The following RALYL variants were observed in gnomAD, a reference collection of about 807,000 sequenced individuals.
RALYL encodes RNA-binding Raly-like protein.
RALYL carries 29 observed loss-of-function variants against 35.1 expected under a neutral mutation model. That is an observed-to-expected ratio of 0.83 (90% CI 0.61 to 1.13). The LOEUF is 1.13. Ranked by LOEUF, RALYL falls within the 50% of genes most tolerant of loss-of-function variation. The pLI, the probability that RALYL is intolerant of heterozygous loss-of-function variation, is 0.00. For synonymous variants in RALYL, 120 were observed against 127.6 expected, an observed-to-expected ratio of 0.94 and a Z score of 0.40; for missense variants, 359 against 360.4, an observed-to-expected ratio of 1.00 and a Z score of 0.03.
chr8:84,639,319 G>A (rs976072801), intron 2 of RALYL, among the ~76,000 whole-genome samples: 14 of 151,874 alleles, frequency 9.2e-5, no homozygotes, highest in African/African-American at 2.9e-4. Context: ...TTCTTTAAGT[G>A]TAGGAGCCTG....
In RALYL at chr8:84,921,796, A is replaced by T. The variant is rs1849337488; in HGVS notation, c.*885A>T. 6.6e-6 allele frequency: 1 copy of T among 152,218 alleles called. No individual in the cohort carries two copies. The highest frequency in any genetic ancestry group is 2.4e-5 in the African/African-American group (1 of 41,472). 9.4% of individuals were successfully genotyped at this position (152,218 alleles called of 1,614,324 possible). On this transcript the variant is annotated 3_prime_UTR_variant, in exon 9 of 9. Transcript: ENST00000521268. ...AGAAACCATCTTCACAGACCGTAGG[A>T]GAATTCAACATATAATTTCTTAATA...
At chr8:84,727,970 G>A (rs555550343) in intron 2 of RALYL, among the ~76,000 whole-genome samples, 226 of 151,890 alleles carry the variant, frequency 1.5e-3, no homozygotes, top group African/African-American at 5.0e-3. Context: ...ATGATTTATC[G>A]TCCTTTGGGT....
intron 1 of RALYL, among the ~76,000 whole-genome samples, chr8:84,382,192 A>G (rs981262405): frequency 6.6e-6 from 1 of 151,160 alleles, no homozygotes; most frequent in African/African-American, 2.4e-5. Context: ...TGGAAGTTAA[A>G]TATGTGTTAT....
intron 2 of RALYL, among the ~76,000 whole-genome samples, chr8:84,533,193 C>T (rs2135044343): frequency 6.6e-6 from 1 of 152,000 alleles, no homozygotes; most frequent in East Asian, 1.9e-4. Flanking sequence ...TTAACATATC[C>T]TCTTAATATT....
chr8:84,568,974 A>T (rs1198725471), intron 2 of RALYL, among the ~76,000 whole-genome samples: 1 of 149,324 alleles, frequency 6.7e-6, no homozygotes, highest in African/African-American at 2.5e-5. Flanking sequence ...TAGGTTGCGA[A>T]AATTTTCTCC....
Position 84,873,283 on chromosome 8 carries a change from G to T in RALYL, c.572-1G>T. The T allele has an allele frequency of 3.2e-6, 5 of 1,541,330 alleles. No individual in the cohort carries two copies. The highest frequency in any genetic ancestry group is 4.4e-6 in the Non-Finnish European group (5 of 1,127,098). On this transcript the variant is annotated splice_acceptor_variant, in intron 6 of 8. Coordinates refer to ENST00000521268, the MANE Select transcript of RALYL (RefSeq NM_173848.7). LOFTEE classifies it high-confidence loss of function. ...TTTTCTTCCTTCTTTCTACTTTCCA[G>T]TGAAATCAGATGAGTTACAGACCAT...
chr8:84,842,401 T>A (rs1161256857), intron 4 of RALYL, among the ~76,000 whole-genome samples: 1 of 152,040 alleles, frequency 6.6e-6, no homozygotes, highest in Non-Finnish European at 1.5e-5. Context: ...ACATACACCC[T>A]CCCAAGACTA....
intron 2 of RALYL, among the ~76,000 whole-genome samples, chr8:84,714,254 G>A (rs1045721949): frequency 2.0e-5 from 3 of 151,782 alleles, no homozygotes; most frequent in African/African-American, 7.2e-5. Context: ...AGGTTAGGTG[G>A]ACAGGAAGGG....
chr8:84,405,365 A>G (rs1214337853), intron 1 of RALYL, among the ~76,000 whole-genome samples: 1 of 152,202 alleles, frequency 6.6e-6, no homozygotes, highest in Non-Finnish European at 1.5e-5. Flanking sequence ...AGATCAGAGC[A>G]TTACTGAAAG....
At chr8:84,587,897 C>A (rs945888368) in intron 2 of RALYL, among the ~76,000 whole-genome samples, 2 of 152,098 alleles carry the variant, frequency 1.3e-5, no homozygotes, top group African/African-American at 4.8e-5. Context: ...TAGCCTTCCT[C>A]GAGCACCTAT....
At chr8:84,517,559 C>T (rs1427673739) in intron 1 of RALYL, among the ~76,000 whole-genome samples, 1 of 152,154 alleles carries the variant, frequency 6.6e-6, no homozygotes, top group African/African-American at 2.4e-5. Context: ...AAGGAACCAG[C>T]AAATGCATCT....
intron 2 of RALYL, among the ~76,000 whole-genome samples, chr8:84,770,662 C>T (rs143722564): frequency 3.9e-5 from 6 of 152,254 alleles, no homozygotes; most frequent in South Asian, 2.1e-4. Context: ...TACATTCCCC[C>T]ACCAGTGTAG....
Position 84,628,976 on chromosome 8 carries a change from T to C in RALYL, c.256+99399T>C, listed in dbSNP as rs144401639. On this transcript the variant is annotated intron_variant, in intron 2 of 8. Transcript: ENST00000521268. ...TAGATACAAAAAATAACTGCCATTA[T>C]AGACATCTCAACTATCTGGATGCCT... 6.9e-3 allele frequency among the ~76,000 whole-genome samples: 1,048 copies of C among 152,206 alleles called. 13 individuals are homozygous for C. The highest frequency in any genetic ancestry group is 0.013 in the Non-Finnish European group (872 of 67,986).
intron 2 of RALYL, among the ~76,000 whole-genome samples, chr8:84,677,707 T>C (rs1414773700): frequency 6.6e-6 from 1 of 152,246 alleles, no homozygotes; most frequent in African/African-American, 2.4e-5. Flanking sequence ...TGCAGTTATT[T>C]CAGCTGCTTT....
intron 3 of RALYL, among the ~76,000 whole-genome samples, chr8:84,789,615 C>G (rs901918): frequency 6.6e-6 from 1 of 151,860 alleles, no homozygotes; most frequent in Non-Finnish European, 1.5e-5. Context: ...CCCAGTACTT[C>G]GGGAGGCTAA....
At chr8:84,289,021 G>A (rs1009587469) in intron 1 of RALYL, among the ~76,000 whole-genome samples, 8 of 152,106 alleles carry the variant, frequency 5.3e-5, no homozygotes, top group East Asian at 1.9e-4. Context: ...ACTTTTAAGC[G>A]CTGGGGTGAG....
chr8:84,541,900 A>G (rs1023971972), intron 2 of RALYL, among the ~76,000 whole-genome samples: 10 of 152,114 alleles, frequency 6.6e-5, no homozygotes, highest in African/African-American at 2.2e-4. Flanking sequence ...TTTGTATGGT[A>G]TATCATTTTT....
intron 1 of RALYL, among the ~76,000 whole-genome samples, chr8:84,279,896 T>C (rs1836207975): frequency 6.6e-6 from 1 of 152,216 alleles, no homozygotes. Flanking sequence ...TTGCAGTGTA[T>C]ATTTCACTAA....
At chr8:84,600,440 A>G (rs1046438085) in intron 2 of RALYL, among the ~76,000 whole-genome samples, 1 of 152,030 alleles carries the variant, frequency 6.6e-6, no homozygotes, top group Middle Eastern at 3.2e-3. Context: ...GTGACCATCC[A>G]CTTTCTGTTA....
Sources: allele counts gnomAD v4.1 joint callset (sites outside exome capture counted in the v4.1 genomes callset), GRCh38; gene constraint gnomAD v4.1.1; transcripts MANE v1.5; gene names NCBI Gene and HGNC (gene_info 2026-07-23, HGNC 2026-07-21).